The following SPINK9 variants were observed in gnomAD, a reference collection of about 807,000 sequenced individuals.
The protein encoded by SPINK9 is serine peptidase inhibitor Kazal type 9.
Under a neutral mutation model 10.8 loss-of-function variants are expected in SPINK9, and 3 were observed. The observed-to-expected ratio is 0.28, with a 90% CI of 0.13 to 0.72. The LOEUF (loss-of-function observed/expected upper bound fraction) is 0.72. Ranked by LOEUF, SPINK9 falls within the 30% of genes least tolerant of loss-of-function variation. The pLI is 0.74. For missense variants in SPINK9, 101 were observed against 103.2 expected, an observed-to-expected ratio of 0.98 and a Z score of 0.09; for synonymous variants, 30 against 31.2, an observed-to-expected ratio of 0.96 and a Z score of 0.12.
chr5:148,325,966 A>G (rs1045594983), intron 2 of SPINK9, among the ~76,000 whole-genome samples: 9 of 152,152 alleles, frequency 5.9e-5, no homozygotes, highest in African/African-American at 1.9e-4. Context: ...ATTTTCGAAA[A>G]GATTATTCTC....
At chr5:148,330,951 G>T (rs187346536), upstream of SPINK9, among the ~76,000 whole-genome samples, 29 of 152,182 alleles carry the variant, frequency 1.9e-4, no homozygotes, top group Admixed American at 7.8e-4. Flanking sequence ...GTAGTATTAG[G>T]GTGGGAGTGA....
chr5:148,333,165 C>T (rs940831826), upstream of SPINK9, among the ~76,000 whole-genome samples: 1 of 152,134 alleles, frequency 6.6e-6, no homozygotes, highest in Non-Finnish European at 1.5e-5. Flanking sequence ...AAGAGGAGTA[C>T]AAGGAAACCA....
chr5:148,327,879 A>G (rs1376466300), intron 2 of SPINK9, among the ~76,000 whole-genome samples: 8 of 152,136 alleles, frequency 5.3e-5, no homozygotes, highest in Non-Finnish European at 1.0e-4. Context: ...TTGTTTTTGT[A>G]CCAGTACCAT....
chr5:148,325,141 C>T (rs1260328748), intron 2 of SPINK9, among the ~76,000 whole-genome samples: 1 of 151,974 alleles, frequency 6.6e-6, no homozygotes, highest in African/African-American at 2.4e-5. Context: ...AAATATATTC[C>T]ATTGCATGGA....
intron 2 of SPINK9, among the ~76,000 whole-genome samples, chr5:148,326,420 G>C (rs1757059924): frequency 6.6e-6 from 1 of 152,146 alleles, no homozygotes; most frequent in Admixed American, 6.6e-5. Context: ...GAAACTGGTA[G>C]TCAACGAGAT....
chr5:148,338,555 A>G lies in SPINK9; in HGVS notation c.165A>G (p.Gly55=), dbSNP rs766763715. ...FCHHMYDPIC[G]SDGKTYKNDC... is the part of the protein sequence containing the mutation. ...ATCATATGTATGATCCAATTTGTGG[A>G]TCTGATGGCAAAACTTATAAAAATG... Residue 55 remains glycine, a synonymous_variant, in exon 3 of 4, where the codon GGA becomes GGG. Coordinates refer to ENST00000377906, the MANE Select transcript of SPINK9 (RefSeq NM_001040433.2). 6.2e-7 allele frequency: 1 copy of G among 1,605,942 alleles called. No individual in the cohort carries two copies. Among genetic ancestry groups the G allele is most frequent in the Non-Finnish European group, 8.5e-7 (1 of 1,174,066 alleles).
chr5:148,337,500 T>G (rs1336698644), intron 2 of SPINK9, among the ~76,000 whole-genome samples: 1 of 152,152 alleles, frequency 6.6e-6, no homozygotes, highest in Non-Finnish European at 1.5e-5. Flanking sequence ...CAAGTAGAGA[T>G]AGTCCACAAT....
intron 2 of SPINK9, among the ~76,000 whole-genome samples, chr5:148,327,673 A>G (rs1333478365): frequency 6.6e-6 from 1 of 150,752 alleles, no homozygotes; most frequent in Admixed American, 6.6e-5. Flanking sequence ...ATCTTGAATT[A>G]ATTTTTGTAT....
intron 2 of SPINK9, among the ~76,000 whole-genome samples, chr5:148,337,834 T>C (rs1310887572): frequency 6.6e-6 from 1 of 152,176 alleles, no homozygotes; most frequent in African/African-American, 2.4e-5. Context: ...CTATATGCTC[T>C]TCTATATGCT....
intron 2 of SPINK9, among the ~76,000 whole-genome samples, chr5:148,337,170 G>A (rs940351125): frequency 5.3e-5 from 8 of 152,238 alleles, no homozygotes; most frequent in Middle Eastern, 6.8e-3. Context: ...TGAAAGTTAC[G>A]AGCTTGGTAG....
chr5:148,326,975 T>G lies in SPINK9; in HGVS notation c.118+3107T>G, dbSNP rs6898593. On this transcript the variant is annotated intron_variant, in intron 2 of 4. Transcript: ENST00000511717. ...TGTGAATAATGCCGCAATAAACATA[T>G]GTGTGCATGTGTCTTTATAGCAGCA... is the stretch of plus-strand genomic sequence containing the variant. 1.5e-4 allele frequency among the ~76,000 whole-genome samples: 23 copies of G among 150,866 alleles called. No individual in the cohort carries two copies. The South Asian group carries it at 4.8e-3, about 32-fold the overall frequency.
upstream of SPINK9, among the ~76,000 whole-genome samples, chr5:148,333,840 A>G (rs1156932479): frequency 6.6e-6 from 1 of 152,184 alleles, no homozygotes; most frequent in African/African-American, 2.4e-5. Flanking sequence ...CTTGATTGTA[A>G]TAATACTTGT....
chr5:148,322,032 CTA>C (rs1757005171), intron 1 of SPINK9, among the ~76,000 whole-genome samples: 1 of 152,058 alleles, frequency 6.6e-6, no homozygotes, highest in African/African-American at 2.4e-5. Flanking sequence ...CTCAATTATA[CTA>C]TGAGAAATTT....
At chr5:148,321,804 T>A (rs371642253) in intron 1 of SPINK9, among the ~76,000 whole-genome samples, 80 of 152,184 alleles carry the variant, frequency 5.3e-4, no homozygotes, top group African/African-American at 1.8e-3. Flanking sequence ...TCCCAATGAA[T>A]AAATAATTGC....
chr5:148,325,031 A>G (rs1276735910), intron 2 of SPINK9, among the ~76,000 whole-genome samples: 2 of 152,018 alleles, frequency 1.3e-5, no homozygotes, highest in African/African-American at 4.8e-5. Flanking sequence ...AAATCATGCA[A>G]TATGTGCTTT....
intron 2 of SPINK9, 87 bp downstream of exon 2, chr5:148,336,540 T>C: frequency 7.5e-7 from 1 of 1,336,054 alleles, no homozygotes; most frequent in South Asian, 1.2e-5. Flanking sequence ...TAAATTTCTA[T>C]ATGTTTGAAT....
chr5:148,331,962 A>T (rs1450661718), upstream of SPINK9, among the ~76,000 whole-genome samples: 1 of 152,150 alleles, frequency 6.6e-6, no homozygotes, highest in Non-Finnish European at 1.5e-5. Context: ...CAATTTGAGG[A>T]ATATGACCAT....
At chr5:148,339,439 T>A (rs1193280497) in intron 3 of SPINK9, among the ~76,000 whole-genome samples, 3 of 152,076 alleles carry the variant, frequency 2.0e-5, no homozygotes, top group African/African-American at 7.2e-5. Flanking sequence ...TAAAAAAAAA[T>A]TAAAACATTT....
chr5:148,330,291 A>T (rs1247751765), intron 2 of SPINK9, among the ~76,000 whole-genome samples: 1 of 151,766 alleles, frequency 6.6e-6, no homozygotes, highest in Non-Finnish European at 1.5e-5. Flanking sequence ...ATCTTTGTTG[A>T]TTTAAAGTCT....
Sources: gnomAD v4.1 joint callset for allele counts (sites outside exome capture counted in the v4.1 genomes callset) on GRCh38, gnomAD v4.1.1 for gene constraint, MANE v1.5 for transcripts, NCBI Gene and HGNC (gene_info 2026-07-23, HGNC 2026-07-21) for gene names.